RGS6: variants seen among roughly 807,000 people sequenced by gnomAD.
RGS6 encodes the protein regulator of G protein signaling 6, also known as regulator of G-protein signaling 6.
In RGS6, 30 loss-of-function variants were observed where a neutral mutation model predicts 78.5. The observed-to-expected ratio is 0.38, with a 90% CI of 0.29 to 0.52. The LOEUF (loss-of-function observed/expected upper bound fraction) is 0.52. RGS6 is among the 20% of genes least tolerant of loss of function. The probability of loss-of-function intolerance (pLI) is 0.85; values close to 1 mark genes in which losing one functional copy is unlikely to be tolerated. For synonymous variants in RGS6, 206 were observed against 206.0 expected (o/e 1.00, Z 0.00); for missense variants, 495 against 609.7 (o/e 0.81, Z 1.98).
At chr14:72,017,529 A>T (rs1435022449) in intron 2 of RGS6, among the ~76,000 whole-genome samples, 13 of 152,180 alleles carry the variant, frequency 8.5e-5, no homozygotes, top group Admixed American at 8.5e-4. Flanking sequence ...GTACCATTGT[A>T]TTATAACATC....
intron 2 of RGS6, among the ~76,000 whole-genome samples, chr14:72,330,856 A>G (rs2074856631): frequency 6.6e-6 from 1 of 151,700 alleles, no homozygotes; most frequent in African/African-American, 2.4e-5. Flanking sequence ...GAGACATTTT[A>G]AGTTTTTGGT....
chr14:72,499,325 G>A (rs188182827), intron 13 of RGS6, among the ~76,000 whole-genome samples: 64 of 152,310 alleles, frequency 4.2e-4, no homozygotes, highest in Middle Eastern at 3.4e-3. Flanking sequence ...GAAGCTGGCC[G>A]GGAAACATCC....
At chr14:72,499,389 G>C (rs1217909384) in intron 13 of RGS6, among the ~76,000 whole-genome samples, 2 of 152,186 alleles carry the variant, frequency 1.3e-5, no homozygotes, top group Admixed American at 6.5e-5. Flanking sequence ...ATGTTCCTGA[G>C]TTGCTTCCAT....
At chr14:72,013,018 C>A (rs573649439) in intron 2 of RGS6, among the ~76,000 whole-genome samples, 53 of 152,168 alleles carry the variant, frequency 3.5e-4, no homozygotes, top group African/African-American at 1.2e-3. Flanking sequence ...TGCTTGTAAT[C>A]CCAGCACTTT....
chr14:72,454,895 C>G (rs1183442823), intron 4 of RGS6, among the ~76,000 whole-genome samples: 4 of 152,188 alleles, frequency 2.6e-5, no homozygotes, highest in Non-Finnish European at 5.9e-5. Flanking sequence ...CACTGAACAG[C>G]CTTCTAGAGC....
At chr14:72,501,443 G>C (rs2096725086) in intron 13 of RGS6, among the ~76,000 whole-genome samples, 1 of 152,134 alleles carries the variant, frequency 6.6e-6, no homozygotes, top group African/African-American at 2.4e-5. Context: ...TACACCTCAA[G>C]TTTATGCAAC....
At chr14:72,354,394 G>A (rs1566607469) in intron 3 of RGS6, among the ~76,000 whole-genome samples, 1 of 151,800 alleles carries the variant, frequency 6.6e-6, no homozygotes, top group Non-Finnish European at 1.5e-5. Flanking sequence ...GGGAGGCTGA[G>A]GTGGGTGGAT....
intron 2 of RGS6, among the ~76,000 whole-genome samples, chr14:72,068,632 G>A (rs1159731401): frequency 6.6e-6 from 1 of 151,530 alleles, no homozygotes; most frequent in African/African-American, 2.4e-5. Flanking sequence ...GAGTAGCTGG[G>A]ATTACAGGCG....
At chr14:72,235,967 A>G (rs77384400) in intron 2 of RGS6, among the ~76,000 whole-genome samples, 3,264 of 152,346 alleles carry the variant, frequency 0.021, 66 homozygotes, top group African/African-American at 0.048. Flanking sequence ...ACTTACTACT[A>G]AAGACTTTTG....
chr14:71,981,720 A>AG (rs1023329920), intron 2 of RGS6, among the ~76,000 whole-genome samples: 2 of 151,002 alleles, frequency 1.3e-5, no homozygotes, highest in African/African-American at 4.9e-5. Context: ...AAGTCTGCAG[A>AG]GGTTACTGCT....
At chr14:72,365,976 G>A (rs1468673209) in intron 3 of RGS6, among the ~76,000 whole-genome samples, 1 of 152,116 alleles carries the variant, frequency 6.6e-6, no homozygotes, top group Non-Finnish European at 1.5e-5. Flanking sequence ...CAAAGTCCTG[G>A]AGAACATTTT....
At chr14:72,629,603 C>T in the RGS6 span, 1 of 1,530,408 alleles carries the variant, frequency 6.5e-7, no homozygotes, top group Non-Finnish European at 8.8e-7. Flanking sequence ...CTCCCTCCCA[C>T]AGGGAAAGCC....
chr14:72,119,749 C>T (rs2096001273), intron 2 of RGS6, among the ~76,000 whole-genome samples: 2 of 152,174 alleles, frequency 1.3e-5, no homozygotes, highest in Admixed American at 6.5e-5. Flanking sequence ...TAGGTATATG[C>T]ACAAGGAGCT....
Position 72,476,722 on chromosome 14 carries a change from G to A in RGS6, c.694-20G>A. ...CAATTCTGTGGGTGGATGATCCTCTGTGCTTGCTTCTTCTCCTAGTCCGTG... is the reference window on the plus strand; with the variant it reads ...CAATTCTGTGGGTGGATGATCCTCTATGCTTGCTTCTTCTCCTAGTCCGTG... On this transcript the variant is annotated intron_variant, in intron 10 of 17. Coordinates refer to ENST00000553525, the MANE Select transcript of RGS6 (RefSeq NM_001204424.2). The A allele has an allele frequency of 6.2e-7, 1 of 1,611,594 alleles. No individual in the cohort carries two copies. Among genetic ancestry groups the A allele is most frequent in the African/African-American group, 1.3e-5 (1 of 75,012 alleles).
In RGS6 at chr14:72,280,946, A is replaced by G. The variant is rs547463643; in HGVS notation, c.85-71149A>G. Among the ~76,000 whole-genome samples, 11 of 152,304 alleles carry G rather than the reference A, an allele frequency of 7.2e-5. No individual in the cohort carries two copies. The East Asian group carries it at 2.1e-3, about 29-fold the overall frequency. On this transcript the variant is annotated intron_variant, in intron 2 of 17. Coordinates refer to ENST00000553525, the MANE Select transcript of RGS6 (RefSeq NM_001204424.2). ...AAATAGAATACATTATCTCATGTGG[A>G]CAGATGGTTATGACTTTATAAACTA...
At chr14:72,291,005 G>A (rs1269934420) in intron 2 of RGS6, among the ~76,000 whole-genome samples, 1 of 151,976 alleles carries the variant, frequency 6.6e-6, no homozygotes, top group Non-Finnish European at 1.5e-5. Context: ...CCCGCCAGAT[G>A]ATCACCATGC....
At chr14:72,414,259 T>C (rs1043676332) in intron 3 of RGS6, among the ~76,000 whole-genome samples, 2 of 152,094 alleles carry the variant, frequency 1.3e-5, no homozygotes, top group African/African-American at 4.8e-5. Context: ...TTGGAGACTT[T>C]GTTTGTTTTT....
intron 2 of RGS6, among the ~76,000 whole-genome samples, chr14:72,013,367 CCATTTG>C (rs2086266074): frequency 8.3e-6 from 1 of 120,870 alleles, no homozygotes; most frequent in African/African-American, 2.9e-5. Context: ...ACTCCATTTT[CCATTTG>C]ATCAGTTCTT....
At chr14:72,619,322 GCTT>G in the RGS6 span, 2 of 1,536,144 alleles carry the variant, frequency 1.3e-6, no homozygotes, top group Non-Finnish European at 1.7e-6. Flanking sequence ...AAAGGCTGAG[GCTT>G]TCTCTTTGAG....
Sources: allele counts gnomAD v4.1 joint callset (sites outside exome capture counted in the v4.1 genomes callset), GRCh38; gene constraint gnomAD v4.1.1; transcripts MANE v1.5; gene names NCBI Gene and HGNC (gene_info 2026-07-23, HGNC 2026-07-21).